Variants in TULP4 observed in about 807,000 individuals in gnomAD.
The protein encoded by TULP4 is tubby-related protein 4.
Under a neutral mutation model 129.0 loss-of-function variants are expected in TULP4, and 16 were observed. That is an observed-to-expected ratio of 0.12 (90% CI 0.08 to 0.19). TULP4 has a LOEUF of 0.19. TULP4 is among the 10% of genes least tolerant of loss of function. The probability of loss-of-function intolerance (pLI) is 1.00; values close to 1 mark genes in which losing one functional copy is unlikely to be tolerated. For missense variants in TULP4, 1,842 were observed against 2,059.1 expected, an observed-to-expected ratio of 0.89 and a Z score of 2.04; for synonymous variants, 998 against 854.0, an observed-to-expected ratio of 1.17 and a Z score of -2.94.
intron 1 of TULP4, among the ~76,000 whole-genome samples, chr6:158,382,046 T>G (rs1777338836): frequency 6.6e-6 from 1 of 152,202 alleles, no homozygotes; most frequent in Admixed American, 6.5e-5. Flanking sequence ...TTGACCTGTT[T>G]CTAGAAAAAG....
At chr6:158,349,022 G>GAT (rs1780402388) in intron 1 of TULP4, among the ~76,000 whole-genome samples, 1 of 48,354 alleles carries the variant, frequency 2.1e-5, no homozygotes, top group Non-Finnish European at 4.5e-5. Context: ...CTTCCCAGAC[G>GAT]GGGCAGCCGG....
chr6:158,314,793 T>G (rs551793550), intron 1 of TULP4, among the ~76,000 whole-genome samples: 22 of 152,326 alleles, frequency 1.4e-4, no homozygotes, highest in African/African-American at 4.1e-4. Flanking sequence ...AAGTAGTTAA[T>G]GGACAAAAAC....
intron 2 of TULP4, among the ~76,000 whole-genome samples, chr6:158,428,749 A>T (rs539981542): frequency 6.6e-6 from 1 of 152,184 alleles, no homozygotes; most frequent in Non-Finnish European, 1.5e-5. Flanking sequence ...ATTACTAACC[A>T]TAAGTGAGAG....
intron 1 of TULP4, among the ~76,000 whole-genome samples, chr6:158,303,914 GAAAAC>G (rs796284961): frequency 2.0e-4 from 31 of 152,188 alleles, no homozygotes; most frequent in African/African-American, 6.5e-4. Context: ...AAACGGTTTA[GAAAAC>G]AAAACAAACC....
intron 4 of TULP4, among the ~76,000 whole-genome samples, chr6:158,449,637 C>T (rs1779125075): frequency 6.6e-6 from 1 of 152,184 alleles, no homozygotes; most frequent in East Asian, 1.9e-4. Context: ...TGAAGGCCAG[C>T]ACCTTGGGCA....
At chr6:158,422,094 C>G (rs1488210506) in intron 2 of TULP4, among the ~76,000 whole-genome samples, 1 of 151,434 alleles carries the variant, frequency 6.6e-6, no homozygotes, top group Non-Finnish European at 1.5e-5. Context: ...GAGAGTAAAT[C>G]CAATGAAAGA....
At chr6:158,391,781 TTTGTG>T (rs1777589602) in intron 1 of TULP4, among the ~76,000 whole-genome samples, 1 of 152,214 alleles carries the variant, frequency 6.6e-6, no homozygotes, top group South Asian at 2.1e-4. Flanking sequence ...TTACAATAAC[TTTGTG>T]TTGTTATTGT....
chr6:158,489,791 G>C, intron 9 of TULP4, 59 bp downstream of exon 9: 1 of 1,598,306 alleles, frequency 6.3e-7, no homozygotes, highest in Non-Finnish European at 8.5e-7. Context: ...GTGTGTTTGT[G>C]CCTGCAACAG....
At chr6:158,480,470 A>G (rs1267346853) in intron 7 of TULP4, among the ~76,000 whole-genome samples, 1 of 152,176 alleles carries the variant, frequency 6.6e-6, no homozygotes, top group Non-Finnish European at 1.5e-5. Flanking sequence ...GAGGAGGGCC[A>G]CTCCAGCCAG....
chr6:158,407,161 G>C (rs139644148), intron 1 of TULP4, among the ~76,000 whole-genome samples: 1 of 152,352 alleles, frequency 6.6e-6, no homozygotes, highest in African/African-American at 2.4e-5. Flanking sequence ...TAGTGTTTCA[G>C]AGGGCTTAAG....
At chr6:158,374,271 A>G (rs113636500) in intron 1 of TULP4, among the ~76,000 whole-genome samples, 31 of 147,846 alleles carry the variant, frequency 2.1e-4, no homozygotes, top group African/African-American at 6.6e-4. Flanking sequence ...CGAATGACAG[A>G]GTGAGACCTT....
intron 6 of TULP4, among the ~76,000 whole-genome samples, chr6:158,473,550 C>T (rs1424168999): frequency 6.6e-6 from 1 of 152,190 alleles, no homozygotes. Context: ...CAGAGTTTTG[C>T]TCTCGTTGCT....
At chr6:158,260,210 C>T (rs945734279) in intron 1 of TULP4, among the ~76,000 whole-genome samples, 1 of 152,310 alleles carries the variant, frequency 6.6e-6, no homozygotes, top group East Asian at 1.9e-4. Flanking sequence ...AGTGACTCTT[C>T]ACAGATAACA....
intron 1 of TULP4, among the ~76,000 whole-genome samples, chr6:158,241,430 G>A (rs530568292): frequency 6.8e-6 from 1 of 147,974 alleles, no homozygotes; most frequent in African/African-American, 2.5e-5. Context: ...CTGAGATCAC[G>A]CCACTGCACT....
chr6:158,240,825 A>G, intron 1 of TULP4, among the ~76,000 whole-genome samples: 1 of 137,636 alleles, frequency 7.3e-6, no homozygotes, highest in Non-Finnish European at 1.6e-5. Flanking sequence ...CCCGGATGGC[A>G]TGGCTGGCTG....
chr6:158,378,463 G>GGTTTTT (rs1777241717), intron 1 of TULP4, among the ~76,000 whole-genome samples: 1 of 53,642 alleles, frequency 1.9e-5, no homozygotes, highest in Non-Finnish European at 2.9e-5. Flanking sequence ...GGGGGAGCCA[G>GGTTTTT]TTTTTTTTTT....
chr6:158,361,513 G>A (rs546652461), intron 1 of TULP4, among the ~76,000 whole-genome samples: 157 of 152,238 alleles, frequency 1.0e-3, no homozygotes, highest in African/African-American at 3.7e-3. Flanking sequence ...TTTTTATGAC[G>A]TTTTTCTTAA....
chr6:158,498,600 G>T, intron 11 of TULP4, 69 bp from the exon 12 acceptor site: 1 of 1,592,010 alleles, frequency 6.3e-7, no homozygotes, highest in South Asian at 1.1e-5. Flanking sequence ...TTCTTCCTGT[G>T]ACTCTCTTGA....
At chr6:158,234,269 G>A (rs1583659609) in intron 1 of TULP4, among the ~76,000 whole-genome samples, 1 of 152,182 alleles carries the variant, frequency 6.6e-6, no homozygotes, top group East Asian at 1.9e-4. Flanking sequence ...AACCCATAAA[G>A]CAATGTGTGG....
Sources: gnomAD v4.1 joint callset for allele counts (sites outside exome capture counted in the v4.1 genomes callset) on GRCh38, gnomAD v4.1.1 for gene constraint, MANE v1.5 for transcripts, NCBI Gene and HGNC (gene_info 2026-07-23, HGNC 2026-07-21) for gene names.